The following CORIN variants were observed in gnomAD, a reference collection of about 807,000 sequenced individuals.
CORIN encodes the protein corin, serine peptidase, also known as atrial natriuretic peptide-converting enzyme.
A neutral mutation model predicts 125.3 loss-of-function variants in CORIN; 117 were observed. The observed-to-expected ratio is 0.93, with a 90% CI of 0.80 to 1.09. CORIN has a LOEUF of 1.09. CORIN is among the 50% of genes least tolerant of loss of function. The probability of loss-of-function intolerance (pLI) is 0.00; values close to 1 mark genes in which losing one functional copy is unlikely to be tolerated. For synonymous variants in CORIN, 450 were observed against 466.4 expected, an observed-to-expected ratio of 0.96 and a Z score of 0.45; for missense variants, 1,253 against 1,306.7, an observed-to-expected ratio of 0.96 and a Z score of 0.63.
intron 13 of CORIN, among the ~76,000 whole-genome samples, chr4:47,648,142 G>A (rs372330027): frequency 1.3e-5 from 2 of 152,092 alleles, no homozygotes; most frequent in Non-Finnish European, 2.9e-5. Flanking sequence ...GTGACATTTT[G>A]GTGCAATTAT....
chr4:47,773,854 G>A (rs932013234), intron 3 of CORIN, among the ~76,000 whole-genome samples: 6 of 151,266 alleles, frequency 4.0e-5, no homozygotes, highest in Admixed American at 3.3e-4. Flanking sequence ...TGATTTGAAA[G>A]ATAAAAGGTA....
intron 5 of CORIN, among the ~76,000 whole-genome samples, chr4:47,695,208 G>C (rs903877222): frequency 6.6e-6 from 1 of 152,150 alleles, no homozygotes; most frequent in Non-Finnish European, 1.5e-5. Flanking sequence ...TACCTATCCA[G>C]TCTGTACAAT....
intron 1 of CORIN, among the ~76,000 whole-genome samples, chr4:47,819,938 TA>T (rs1338747324): frequency 6.6e-6 from 1 of 152,150 alleles, no homozygotes; most frequent in Non-Finnish European, 1.5e-5. Context: ...ATGCTCCCAA[TA>T]ATTTTATAGA....
At position 47,817,274 on chromosome 4, in the gene CORIN, C is replaced by G. The variant is rs115563525; in HGVS notation, c.64-10227G>C. ...ATTAAGTCCTTTAAAACATATACTACTAACTATATATATATAACAAAATAT... is the reference window on the plus strand; with the variant it reads ...ATTAAGTCCTTTAAAACATATACTAGTAACTATATATATATAACAAAATAT... On this transcript the variant is annotated intron_variant, in intron 1 of 21. Coordinates refer to ENST00000273857, the MANE Select transcript of CORIN (RefSeq NM_006587.4). Among the ~76,000 whole-genome samples, 1,235 of 140,008 alleles carry G rather than the reference C, an allele frequency of 8.8e-3. 14 individuals are homozygous for G. The highest frequency in any genetic ancestry group is 0.032 in the African/African-American group (1,166 of 36,798). 91.9% of individuals were successfully genotyped at this position (140,008 alleles called of 152,430 possible).
intron 16 of CORIN, 105 bp from the exon 17 acceptor site, chr4:47,626,626 A>T: frequency 1.3e-6 from 1 of 781,908 alleles, no homozygotes. Context: ...GCACTAAATC[A>T]TGTCAACATT....
At chr4:47,719,734 G>A (rs530461845) in intron 5 of CORIN, among the ~76,000 whole-genome samples, 82 of 152,284 alleles carry the variant, frequency 5.4e-4, no homozygotes, top group African/African-American at 1.9e-3. Flanking sequence ...TGAAATGTGC[G>A]TGGAGAAAAT....
At position 47,603,592 on chromosome 4, in the gene CORIN, G is replaced by A. The variant is rs571162211; in HGVS notation, c.2617C>T (p.Arg873Cys). 50 of 1,614,170 alleles carry A rather than the reference G, an allele frequency of 3.1e-5. No homozygotes were observed. Among genetic ancestry groups the A allele is most frequent in the African/African-American group, 1.2e-4 (9 of 75,046 alleles). ...LDHPSVFMQT[R>C]FVKTIILHPR... ...TGCAGGATGATGGTCTTCACAAAGC[G>A]TGTCTGCATGAACACTGATGGATGG... Residue 873 changes from arginine (R) to cysteine (C), a missense_variant, in exon 20 of 22, where the codon CGC (arginine) becomes TGC (cysteine). Arg to Cys is a radical substitution (Grantham distance 180). Coordinates refer to ENST00000273857, the MANE Select transcript of CORIN (RefSeq NM_006587.4).
chr4:47,778,430 T>C (rs1193638892), intron 3 of CORIN, among the ~76,000 whole-genome samples: 2 of 152,158 alleles, frequency 1.3e-5, no homozygotes, highest in Non-Finnish European at 2.9e-5. Context: ...TTCAGAAGCC[T>C]AGTTCTGCAG....
At chr4:47,720,501 G>A (rs1480766520) in intron 5 of CORIN, among the ~76,000 whole-genome samples, 1 of 152,172 alleles carries the variant, frequency 6.6e-6, no homozygotes, top group Non-Finnish European at 1.5e-5. Context: ...AGGAAAAAGA[G>A]TGGGGTACAT....
chr4:47,658,645 C>G (rs539153189), intron 12 of CORIN, among the ~76,000 whole-genome samples: 56 of 152,344 alleles, frequency 3.7e-4, no homozygotes, highest in Admixed American at 2.0e-3. Flanking sequence ...GGGCCTGGCC[C>G]ATAAAACCAT....
At chr4:47,697,249 A>G (rs1253599405) in intron 5 of CORIN, among the ~76,000 whole-genome samples, 1 of 152,238 alleles carries the variant, frequency 6.6e-6, no homozygotes, top group Non-Finnish European at 1.5e-5. Context: ...GGGGTAAAAG[A>G]CAAGAGGTGA....
chr4:47,634,172 C>T (rs1215204922), intron 16 of CORIN, among the ~76,000 whole-genome samples: 5 of 152,166 alleles, frequency 3.3e-5, no homozygotes, highest in African/African-American at 4.8e-5. Flanking sequence ...CTCTTCAGCT[C>T]GTCTCCACTT....
chr4:47,800,770 C>A (rs1031504324), intron 2 of CORIN, among the ~76,000 whole-genome samples: 1 of 152,164 alleles, frequency 6.6e-6, no homozygotes, highest in African/African-American at 2.4e-5. Context: ...CTCGTTCTGT[C>A]TTCCTCTTAC....
At chr4:47,662,215 C>T (rs1221271157) in intron 11 of CORIN, among the ~76,000 whole-genome samples, 1 of 152,204 alleles carries the variant, frequency 6.6e-6, no homozygotes, top group Admixed American at 6.5e-5. Flanking sequence ...TCTCCAACAT[C>T]ACTTTGGATA....
chr4:47,710,421 G>C (rs987091093), intron 5 of CORIN, among the ~76,000 whole-genome samples: 21 of 152,312 alleles, frequency 1.4e-4, no homozygotes, highest in Middle Eastern at 6.8e-3. Flanking sequence ...CAATGTTCAT[G>C]TGTATGACTT....
At chr4:47,623,096 C>CTCTATATATATATA (rs771867590) in intron 19 of CORIN, among the ~76,000 whole-genome samples, 86 of 102,288 alleles carry the variant, frequency 8.4e-4, no homozygotes, top group Non-Finnish European at 1.1e-3. Flanking sequence ...CTCTCTCTCT[C>CTCTATATATATATA]TATATATATA....
intron 19 of CORIN, among the ~76,000 whole-genome samples, chr4:47,618,960 A>G (rs969405353): frequency 2.0e-5 from 3 of 152,174 alleles, no homozygotes; most frequent in Non-Finnish European, 4.4e-5. Flanking sequence ...CATGGGTGAC[A>G]TGGCAGGAGT....
chr4:47,760,945 C>T (rs772884294), intron 4 of CORIN, among the ~76,000 whole-genome samples: 28 of 152,232 alleles, frequency 1.8e-4, no homozygotes, highest in Non-Finnish European at 3.8e-4. Context: ...CTGCTAGCAT[C>T]AAACTTTTCT....
intron 16 of CORIN, among the ~76,000 whole-genome samples, chr4:47,628,853 T>C (rs1242723031): frequency 6.6e-6 from 1 of 152,184 alleles, no homozygotes; most frequent in Non-Finnish European, 1.5e-5. Context: ...TGTATGTGTA[T>C]TCTTTGCATA....
Sources: allele counts gnomAD v4.1 joint callset (sites outside exome capture counted in the v4.1 genomes callset), GRCh38; gene constraint gnomAD v4.1.1; transcripts MANE v1.5; gene names NCBI Gene and HGNC (gene_info 2026-07-23, HGNC 2026-07-21).